The following ARMC8 variants were observed in gnomAD, a reference collection of about 807,000 sequenced individuals.
ARMC8 encodes the protein armadillo repeat-containing protein 8.
A neutral mutation model predicts 99.3 loss-of-function variants in ARMC8; 20 were observed. The observed-to-expected ratio is 0.20, with a 90% CI of 0.14 to 0.29. ARMC8 has a LOEUF of 0.29. Among genes scored for constraint, ARMC8 ranks in the 10% least tolerant of loss-of-function variants. The pLI is 1.00. For synonymous variants in ARMC8, 263 were observed against 278.3 expected, an observed-to-expected ratio of 0.95 and a Z score of 0.55; for missense variants, 569 against 809.5, an observed-to-expected ratio of 0.70 and a Z score of 3.60.
chr3:138,229,178 A>ATATATATATATATATATATATATG (rs1576686064), intron 6 of ARMC8, 168 bp downstream of exon 6: 1 of 32,074 alleles, frequency 3.1e-5, no homozygotes, highest in African/African-American at 9.7e-5. Flanking sequence ...ATATATATAT[A>ATATATATATATATATATATATATG]TATATGTATA....
chr3:138,257,486 C>T (rs764373724), intron 12 of ARMC8, among the ~76,000 whole-genome samples: 2 of 152,126 alleles, frequency 1.3e-5, no homozygotes, highest in Non-Finnish European at 2.9e-5. Flanking sequence ...GATCTCTCCC[C>T]TGACTCTTGC....
intron 5 of ARMC8, among the ~76,000 whole-genome samples, chr3:138,228,371 A>C (rs1372306621): frequency 2.0e-5 from 3 of 152,194 alleles, no homozygotes; most frequent in African/African-American, 7.2e-5. Context: ...TAGGTTCTTA[A>C]GTGTCAGCAA....
Position 138,289,137 on chromosome 3 carries a change from AT to A in ARMC8, c.1894+20del. 1 of 1,602,796 alleles carries A rather than the reference AT, an allele frequency of 6.2e-7. No individual in the cohort carries two copies. The highest frequency in any genetic ancestry group is 8.5e-7 in the Non-Finnish European group (1 of 1,171,690). On this transcript the variant is annotated intron_variant, in intron 20 of 21. Transcript: ENST00000469044. The stretch of plus-strand genomic sequence containing the variant: ...AAGAGGAAGGTAAGAGATTGGTGAG[AT>A]TTGTTTTGAAAAAAATTATGGGAAG...
Position 138,296,029 on chromosome 3 carries a change from G to A in ARMC8, c.*137G>A. Reference sequence around the variant, plus strand: ...GCTGTTTTGCAAAAGCAGTTTAGTAGGCTTAGATCTCAAATTCATCTTGAG... The same window carrying A: ...GCTGTTTTGCAAAAGCAGTTTAGTAAGCTTAGATCTCAAATTCATCTTGAG... On this transcript the variant is annotated 3_prime_UTR_variant, in exon 22 of 22. Transcript: ENST00000469044. The A allele has an allele frequency of 4.3e-6, 3 of 702,492 alleles. No homozygotes were observed. The highest frequency in any genetic ancestry group is 6.7e-6 in the Non-Finnish European group (3 of 447,420). 43.5% of individuals were successfully genotyped at this position (702,492 alleles called of 1,614,324 possible).
chr3:138,294,223 G>C (rs139114762), intron 21 of ARMC8, among the ~76,000 whole-genome samples: 1 of 152,146 alleles, frequency 6.6e-6, no homozygotes, highest in Non-Finnish European at 1.5e-5. Flanking sequence ...GGTTCCTTTT[G>C]TCGTTAAGAC....
chr3:138,228,754 G>A (rs1241483701), intron 5 of ARMC8, 164 bp from the exon 6 acceptor site: 2 of 582,314 alleles, frequency 3.4e-6, no homozygotes, highest in Admixed American at 2.2e-5. Flanking sequence ...GGCCTAGACA[G>A]TTTTCATGGC....
At chr3:138,188,647 T>A in intron 1 of ARMC8, 1 of 1,366,580 alleles carries the variant, frequency 7.3e-7, no homozygotes, top group Non-Finnish European at 1.0e-6. Flanking sequence ...GGATTATAAA[T>A]GACTTGTCGG....
chr3:138,288,684 GCT>G (rs2050659289), intron 19 of ARMC8, among the ~76,000 whole-genome samples: 1 of 146,316 alleles, frequency 6.8e-6, no homozygotes, highest in Non-Finnish European at 1.5e-5. Flanking sequence ...TGTCACCCAG[GCT>G]GAGTGCAATG....
intron 12 of ARMC8, chr3:138,246,622 T>C: frequency 1.0e-6 from 1 of 985,790 alleles, no homozygotes; most frequent in Non-Finnish European, 1.2e-6. Context: ...AACCATCTCA[T>C]GGACTGAAAG....
chr3:138,289,606 A>G (rs759567387), intron 20 of ARMC8, among the ~76,000 whole-genome samples: 1 of 152,178 alleles, frequency 6.6e-6, no homozygotes, highest in Non-Finnish European at 1.5e-5. Flanking sequence ...GAGGTTCTTT[A>G]CTTTGGCTGC....
intron 20 of ARMC8, among the ~76,000 whole-genome samples, chr3:138,290,217 A>G (rs2108384264): frequency 6.6e-6 from 1 of 152,250 alleles, no homozygotes; most frequent in East Asian, 1.9e-4. Context: ...GTCCTGAAAG[A>G]AGTGGTGAAG....
chr3:138,263,658 T>C, intron 12 of ARMC8, 81 bp from the exon 13 acceptor site: 1 of 1,189,974 alleles, frequency 8.4e-7, no homozygotes, highest in East Asian at 2.3e-5. Flanking sequence ...TTTTAATGGA[T>C]GTTAACATAC....
intron 18 of ARMC8, among the ~76,000 whole-genome samples, chr3:138,275,700 A>T (rs1304014394): frequency 6.6e-6 from 1 of 152,234 alleles, no homozygotes; most frequent in African/African-American, 2.4e-5. Flanking sequence ...TCTTGAGTTA[A>T]AGTAATTCAG....
At chr3:138,268,923 C>A (rs1433780957) in intron 15 of ARMC8, among the ~76,000 whole-genome samples, 2 of 152,034 alleles carry the variant, frequency 1.3e-5, no homozygotes, top group Non-Finnish European at 2.9e-5. Flanking sequence ...TATTACCTTT[C>A]CTGAATTTGG....
intron 6 of ARMC8, among the ~76,000 whole-genome samples, chr3:138,231,507 T>G (rs1459535490): frequency 6.6e-6 from 1 of 152,178 alleles, no homozygotes; most frequent in Non-Finnish European, 1.5e-5. Context: ...ATTTTCTGAT[T>G]TATTGAGCAG....
chr3:138,263,041 G>A (rs565749436), intron 12 of ARMC8, among the ~76,000 whole-genome samples: 12 of 152,236 alleles, frequency 7.9e-5, no homozygotes, highest in Admixed American at 2.0e-4. Context: ...GTTAATATTT[G>A]TGTTGTGATG....
chr3:138,196,875 AT>A (rs933236317), intron 1 of ARMC8, among the ~76,000 whole-genome samples: 4 of 151,788 alleles, frequency 2.6e-5, no homozygotes, highest in Non-Finnish European at 4.4e-5. Context: ...CTCAAAAAAA[AT>A]TTTTTTTTAA....
chr3:138,296,101 G>GT lies in ARMC8; in HGVS notation c.*213dup. ...TTTCCTCAGAAGACTCTTGTGTTTT[G>GT]TTTTGGTTTTTTTTTCTGAGCTACT... On this transcript the variant is annotated 3_prime_UTR_variant, in exon 22 of 22. Coordinates refer to ENST00000469044, the MANE Select transcript of ARMC8 (RefSeq NM_001363941.2). 2.1e-6 allele frequency: 1 copy of GT among 485,734 alleles called. No individual in the cohort carries two copies. Among genetic ancestry groups the GT allele is most frequent in the Non-Finnish European group, 3.6e-6 (1 of 278,148 alleles). The allele number at this position is 485,734 out of a possible 1,614,324, so 30.1% of individuals were successfully genotyped here.
chr3:138,287,766 A>C lies in ARMC8; in HGVS notation c.1822-1282A>C, dbSNP rs532736609. On this transcript the variant is annotated intron_variant, in intron 19 of 21. Transcript: ENST00000469044. ...TAGTTGAAATATAGTCCTACATGAG[A>C]AGATAAGTCTGTCTTAGCCTTGAAA... 3 of 446,358 alleles carry C rather than the reference A, an allele frequency of 6.7e-6. No individual in the cohort carries two copies. In the Admixed American group the frequency reaches 7.1e-5, roughly 11 times the overall value. 27.6% of individuals were successfully genotyped at this position (446,358 alleles called of 1,614,324 possible).
Sources: allele counts gnomAD v4.1 joint callset (sites outside exome capture counted in the v4.1 genomes callset), GRCh38; gene constraint gnomAD v4.1.1; transcripts MANE v1.5; gene names NCBI Gene and HGNC (gene_info 2026-07-23, HGNC 2026-07-21).